The following SEMA3C variants were observed in gnomAD, a reference collection of about 807,000 sequenced individuals.
The protein encoded by SEMA3C is semaphorin 3C.
A neutral mutation model predicts 89.4 loss-of-function variants in SEMA3C; 47 were observed. The ratio of observed to expected loss-of-function variants is 0.53; its 90% CI spans 0.42 to 0.67. The LOEUF is 0.67. Ranked by LOEUF, SEMA3C falls within the 30% of genes least tolerant of loss-of-function variation. The probability of loss-of-function intolerance (pLI) is 0.00; values close to 1 mark genes in which losing one functional copy is unlikely to be tolerated. For missense variants in SEMA3C, 839 were observed against 929.1 expected (o/e 0.90, Z 1.26); for synonymous variants, 310 against 320.2 (o/e 0.97, Z 0.34).
At chr7:80,841,598 C>T (rs1381809934) in intron 2 of SEMA3C, among the ~76,000 whole-genome samples, 1 of 152,106 alleles carries the variant, frequency 6.6e-6, no homozygotes, top group East Asian at 1.9e-4. Context: ...AAAAAATCCC[C>T]ATCTCTAGAT....
At chr7:80,874,128 C>A (rs1022248320) in intron 2 of SEMA3C, among the ~76,000 whole-genome samples, 1 of 152,138 alleles carries the variant, frequency 6.6e-6, no homozygotes, top group Non-Finnish European at 1.5e-5. Context: ...GGTTTTGGAG[C>A]TTTTCACAGT....
At chr7:80,750,405 CAAA>C (rs1038761406) in intron 16 of SEMA3C, among the ~76,000 whole-genome samples, 6 of 127,172 alleles carry the variant, frequency 4.7e-5, no homozygotes, top group African/African-American at 1.8e-4. Flanking sequence ...AATGGATAAA[CAAA>C]ATATGGCTTA....
intron 2 of SEMA3C, among the ~76,000 whole-genome samples, chr7:80,856,584 A>G (rs368019152): frequency 4.6e-4 from 53 of 114,942 alleles, no homozygotes; most frequent in South Asian, 2.1e-3. Flanking sequence ...ATTTATGCTG[A>G]AAAAAAAAAA....
chr7:80,809,980 G>C (rs1789430010), intron 6 of SEMA3C, among the ~76,000 whole-genome samples: 1 of 151,992 alleles, frequency 6.6e-6, no homozygotes, highest in African/African-American at 2.4e-5. Context: ...CAAAAAAAAA[G>C]ATGTTTATCC....
At chr7:80,828,333 T>C (rs1179585221) in intron 3 of SEMA3C, among the ~76,000 whole-genome samples, 2 of 152,068 alleles carry the variant, frequency 1.3e-5, no homozygotes. Context: ...TTTTTCTTTA[T>C]ATATTTATAC....
At chr7:80,884,875 T>C (rs1791435893) in intron 2 of SEMA3C, among the ~76,000 whole-genome samples, 1 of 152,222 alleles carries the variant, frequency 6.6e-6, no homozygotes, top group African/African-American at 2.4e-5. Context: ...GTAGGAACAC[T>C]GTGTAAAGAA....
chr7:80,869,824 G>A, intron 2 of SEMA3C, among the ~76,000 whole-genome samples: 1 of 151,950 alleles, frequency 6.6e-6, no homozygotes, highest in East Asian at 1.9e-4. Context: ...AAAAGGGCTG[G>A]GTGTCTTATG....
At chr7:80,773,149 AT>A (rs1001171371) in intron 12 of SEMA3C, among the ~76,000 whole-genome samples, 7 of 151,982 alleles carry the variant, frequency 4.6e-5, no homozygotes, top group South Asian at 2.1e-4. Flanking sequence ...AAATGTTACA[AT>A]TTTTTTTCTA....
At chr7:80,797,504 A>C (rs978987675) in intron 11 of SEMA3C, among the ~76,000 whole-genome samples, 6 of 152,208 alleles carry the variant, frequency 3.9e-5, no homozygotes, top group Admixed American at 6.5e-5. Flanking sequence ...ATAGTTAAAT[A>C]GTTCTAATCT....
intron 2 of SEMA3C, among the ~76,000 whole-genome samples, chr7:80,885,665 C>T (rs1226726079): frequency 6.6e-6 from 1 of 152,108 alleles, no homozygotes; most frequent in Admixed American, 6.6e-5. Flanking sequence ...GGTGAGTTCA[C>T]ATGAAAATAC....
At chr7:80,867,434 G>A (rs953688011) in intron 2 of SEMA3C, among the ~76,000 whole-genome samples, 4 of 152,154 alleles carry the variant, frequency 2.6e-5, no homozygotes, top group East Asian at 1.9e-4. Context: ...CCCACATACT[G>A]AGCAAAGTGC....
chr7:80,823,398 T>TAG (rs1243427459), intron 4 of SEMA3C, among the ~76,000 whole-genome samples: 1 of 152,182 alleles, frequency 6.6e-6, no homozygotes, highest in Non-Finnish European at 1.5e-5. Context: ...TCTATGTACT[T>TAG]TTCTAAGTCT....
intron 17 of SEMA3C, among the ~76,000 whole-genome samples, chr7:80,746,918 C>T (rs1431523302): frequency 6.6e-6 from 1 of 151,974 alleles, no homozygotes; most frequent in African/African-American, 2.4e-5. Context: ...TTTCAGTTTT[C>T]ACTTTATGCT....
chr7:80,801,742 A>G (rs1583890759), intron 9 of SEMA3C, among the ~76,000 whole-genome samples: 1 of 152,104 alleles, frequency 6.6e-6, no homozygotes, highest in African/African-American at 2.4e-5. Context: ...AAAAAAAAAG[A>G]AAGACTGAAA....
chr7:80,821,006 A>G lies in SEMA3C; in HGVS notation c.328-2588T>C, dbSNP rs114558211. ...GGTATTGGTAAAATGAAAGAAGTCA[A>G]TAACATCTCGTTTATATTTCAAATG... is the stretch of plus-strand genomic sequence containing the variant. On this transcript the variant is annotated intron_variant, in intron 4 of 17. Transcript: ENST00000265361. 2.7e-3 allele frequency among the ~76,000 whole-genome samples: 408 copies of G among 152,320 alleles called. 3 individuals carry two copies. Among genetic ancestry groups the G allele is most frequent in the African/African-American group, 8.8e-3 (365 of 41,582 alleles).
intron 12 of SEMA3C, among the ~76,000 whole-genome samples, chr7:80,788,045 A>T (rs1449891525): frequency 1.3e-5 from 2 of 152,230 alleles, no homozygotes; most frequent in East Asian, 1.9e-4. Context: ...GTTTTCAAGA[A>T]TAAAAAAAGG....
chr7:80,840,141 T>C (rs1790228430), intron 2 of SEMA3C, among the ~76,000 whole-genome samples: 1 of 152,078 alleles, frequency 6.6e-6, no homozygotes, highest in South Asian at 2.1e-4. Context: ...CTCTATGACA[T>C]ACTGCTTGTG....
intron 16 of SEMA3C, among the ~76,000 whole-genome samples, chr7:80,750,475 C>CAT (rs1337179251): frequency 2.0e-5 from 1 of 49,630 alleles, no homozygotes; most frequent in Non-Finnish European, 4.0e-5. Flanking sequence ...TATATATATA[C>CAT]ACACACACAC....
intron 2 of SEMA3C, among the ~76,000 whole-genome samples, chr7:80,846,616 C>T (rs1332598873): frequency 6.6e-6 from 1 of 152,108 alleles, no homozygotes; most frequent in Non-Finnish European, 1.5e-5. Flanking sequence ...CAGGTGTGAG[C>T]CACCGTGCCC....
Sources: gnomAD v4.1 joint callset for allele counts (sites outside exome capture counted in the v4.1 genomes callset) on GRCh38, gnomAD v4.1.1 for gene constraint, MANE v1.5 for transcripts, NCBI Gene and HGNC (gene_info 2026-07-23, HGNC 2026-07-21) for gene names.